SRFBP1: variants seen among roughly 807,000 people sequenced by gnomAD.
The protein encoded by SRFBP1 is serum response factor binding protein 1.
A neutral mutation model predicts 45.5 loss-of-function variants in SRFBP1; 47 were observed. The observed-to-expected ratio is 1.03, with a 90% CI of 0.82 to 1.32. The LOEUF is 1.32. Ranked by LOEUF, SRFBP1 falls within the 40% of genes most tolerant of loss-of-function variation. The probability of loss-of-function intolerance (pLI) is 0.00; values close to 1 mark genes in which losing one functional copy is unlikely to be tolerated. For missense variants in SRFBP1, 621 were observed against 484.6 expected (o/e 1.28, Z -2.64); for synonymous variants, 203 against 166.3 (o/e 1.22, Z -1.70).
chr5:122,035,597 T>G (rs1259363558), intron 2 of SRFBP1, among the ~76,000 whole-genome samples: 1 of 152,228 alleles, frequency 6.6e-6, no homozygotes, highest in Non-Finnish European at 1.5e-5. Context: ...TTTATGATTT[T>G]GTAATTTTTT....
intron 2 of SRFBP1, among the ~76,000 whole-genome samples, chr5:122,046,611 G>A (rs887285243): frequency 2.6e-5 from 4 of 152,176 alleles, no homozygotes; most frequent in African/African-American, 9.7e-5. Context: ...AGATCCCTGA[G>A]GAATAGCCAC....
downstream of SRFBP1, chr5:122,076,753 A>G (rs1035355276): frequency 4.5e-6 from 3 of 661,708 alleles, no homozygotes; most frequent in African/African-American, 5.4e-5. Flanking sequence ...CAGCATGCCC[A>G]GGAGGTCACG....
chr5:121,995,974 A>G (rs925305989), intron 4 of SRFBP1, among the ~76,000 whole-genome samples: 21 of 152,332 alleles, frequency 1.4e-4, no homozygotes, highest in African/African-American at 4.6e-4. Flanking sequence ...AAGAAGTTGA[A>G]TCTCTTAGTA....
At chr5:122,038,015 G>T (rs1236227532) in intron 2 of SRFBP1, among the ~76,000 whole-genome samples, 1 of 152,128 alleles carries the variant, frequency 6.6e-6, no homozygotes, top group Non-Finnish European at 1.5e-5. Flanking sequence ...CCATTTCCAG[G>T]TGTGGCCCAT....
chr5:122,020,059 A>C, intron 5 of SRFBP1, 29 bp from the exon 6 acceptor site: 1 of 1,434,406 alleles, frequency 7.0e-7, no homozygotes, highest in Non-Finnish European at 9.4e-7. Context: ...TTCAGTGCTA[A>C]AATGAGTGAT....
rs368701932 is a variant in SRFBP1, at chr5:122,070,613, T to G, written n.312-4702T>G. ...CCCTAAGATAAACAAAATAAAAAAT[T>G]TAAAATTATGGTATGTGGTCAGACT... On this transcript the variant is annotated intron_variant and non_coding_transcript_variant, in intron 2 of 2. Coordinates refer to the SRFBP1 transcript ENST00000504881. 4.9e-5 allele frequency: 65 copies of G among 1,329,544 alleles called. 1 individual carries two copies. The highest frequency in any genetic ancestry group is 4.0e-4 in the South Asian group (32 of 79,334). The allele number at this position is 1,329,544 out of a possible 1,614,324, so 82.4% of individuals were successfully genotyped here.
intron 2 of SRFBP1, chr5:122,074,025 A>G (rs1471303009): frequency 1.2e-6 from 2 of 1,613,936 alleles, no homozygotes; most frequent in African/African-American, 1.3e-5. Flanking sequence ...GTGTGTGTGC[A>G]GTACATGCAA....
intron 4 of SRFBP1, among the ~76,000 whole-genome samples, chr5:122,007,949 A>T (rs1007056291): frequency 3.3e-5 from 5 of 152,000 alleles, no homozygotes; most frequent in African/African-American, 1.2e-4. Flanking sequence ...CTTGAAGCCT[A>T]GAGTTGTAAG....
intron 4 of SRFBP1, among the ~76,000 whole-genome samples, chr5:122,015,441 C>G (rs1397758235): frequency 1.3e-5 from 2 of 152,170 alleles, no homozygotes; most frequent in Non-Finnish European, 1.5e-5. Context: ...TCTGCCCCAC[C>G]AAGGATTCTA....
chr5:121,968,164 G>T (rs1296463572), intron 1 of SRFBP1, among the ~76,000 whole-genome samples: 1 of 151,520 alleles, frequency 6.6e-6, no homozygotes, highest in Non-Finnish European at 1.5e-5. Context: ...ATCCATGGGG[G>T]TTATGTTCCA....
At chr5:122,048,256 G>A (rs979532059) in intron 2 of SRFBP1, among the ~76,000 whole-genome samples, 19 of 152,176 alleles carry the variant, frequency 1.2e-4, no homozygotes, top group Non-Finnish European at 2.2e-4. Context: ...TTCACATGAA[G>A]GTTGTTGAAT....
At chr5:122,061,277 A>G (rs967980124) in intron 2 of SRFBP1, among the ~76,000 whole-genome samples, 1 of 151,722 alleles carries the variant, frequency 6.6e-6, no homozygotes, top group African/African-American at 2.4e-5. Flanking sequence ...CCCTACTTAT[A>G]CAATTGTGTT....
intron 2 of SRFBP1, among the ~76,000 whole-genome samples, chr5:122,068,724 C>A (rs10058077): frequency 0.018 from 2,672 of 152,020 alleles, 61 homozygotes; most frequent in Middle Eastern, 0.058. Context: ...AAGGCTACAG[C>A]AGTATAGAGA....
Position 122,039,562 on chromosome 5 carries a change from C to T in SRFBP1, n.311+17155C>T, listed in dbSNP as rs76165211. Among the ~76,000 whole-genome samples the T allele has an allele frequency of 8.5e-3, 1,299 of 152,216 alleles. 6 individuals carry two copies. Among genetic ancestry groups the T allele is most frequent in the Non-Finnish European group, 0.014 (928 of 68,006 alleles). ...AATGATTACATGATTTTCACCTTCC[C>T]CACAAAACTTTCCAGATAATCTTCC... On this transcript the variant is annotated intron_variant and non_coding_transcript_variant, in intron 2 of 2. Transcript: ENST00000504881.
At chr5:122,071,591 A>G (rs535731241) in intron 2 of SRFBP1, among the ~76,000 whole-genome samples, 2 of 152,350 alleles carry the variant, frequency 1.3e-5, no homozygotes, top group East Asian at 3.8e-4. Flanking sequence ...GTTATAGTCT[A>G]GAGAAGTTTC....
intron 7 of SRFBP1, among the ~76,000 whole-genome samples, chr5:122,022,670 T>C (rs889015188): frequency 1.3e-5 from 2 of 152,100 alleles, no homozygotes; most frequent in African/African-American, 4.8e-5. Context: ...AACCAACACT[T>C]TTTTTAAGTA....
chr5:121,962,566 C>T (rs552451807), intron 1 of SRFBP1, among the ~76,000 whole-genome samples: 38 of 152,294 alleles, frequency 2.5e-4, no homozygotes, highest in Admixed American at 7.2e-4. Flanking sequence ...AGTTAGTGTC[C>T]TATTTCTTTG....
chr5:122,025,282 GA>G, intron 7 of SRFBP1, among the ~76,000 whole-genome samples: 1 of 152,110 alleles, frequency 6.6e-6, no homozygotes, highest in Non-Finnish European at 1.5e-5. Flanking sequence ...CCCTACAAAG[GA>G]CATGAACTCA....
intron 1 of SRFBP1, among the ~76,000 whole-genome samples, chr5:121,969,584 C>CTA (rs2112813403): frequency 6.6e-6 from 1 of 152,008 alleles, no homozygotes; most frequent in South Asian, 2.1e-4. Flanking sequence ...AAGAGATGCC[C>CTA]TATGTTTAGA....
Sources: allele counts gnomAD v4.1 joint callset (sites outside exome capture counted in the v4.1 genomes callset), GRCh38; gene constraint gnomAD v4.1.1; transcripts MANE v1.5; gene names NCBI Gene and HGNC (gene_info 2026-07-23, HGNC 2026-07-21).